The following PCDH9 variants were observed in gnomAD, a reference collection of about 807,000 sequenced individuals.
PCDH9 encodes protocadherin-9.
Under a neutral mutation model 70.6 loss-of-function variants are expected in PCDH9, and 24 were observed. That is an observed-to-expected ratio of 0.34 (90% CI 0.25 to 0.48). PCDH9 has a LOEUF of 0.48. PCDH9 is among the 20% of genes least tolerant of loss of function. The pLI, the probability that PCDH9 is intolerant of heterozygous loss-of-function variation, is 0.99. For synonymous variants in PCDH9, 562 were observed against 558.5 expected (o/e 1.01, Z -0.09); for missense variants, 1,281 against 1,503.6 (o/e 0.85, Z 2.45).
At chr13:66,542,688 G>GGTCAAATATATATATA (rs1566404142) in intron 4 of PCDH9, among the ~76,000 whole-genome samples, 3 of 76,666 alleles carry the variant, frequency 3.9e-5, no homozygotes, top group Non-Finnish European at 3.4e-5. Context: ...ATATATATAT[G>GGTCAAATATATATATA]TTTAAATATA....
At chr13:66,788,306 C>T (rs1008075332) in intron 3 of PCDH9, among the ~76,000 whole-genome samples, 1 of 152,032 alleles carries the variant, frequency 6.6e-6, no homozygotes, top group Non-Finnish European at 1.5e-5. Context: ...CAAAAGGCCT[C>T]GCCTCCCAAC....
chr13:66,412,948 C>T (rs954645119), intron 4 of PCDH9, among the ~76,000 whole-genome samples: 7 of 152,142 alleles, frequency 4.6e-5, no homozygotes, highest in Admixed American at 6.5e-5. Context: ...CATTATTTGC[C>T]GCTCCTATAT....
intron 2 of PCDH9, among the ~76,000 whole-genome samples, chr13:67,200,383 G>A (rs971589649): frequency 6.6e-6 from 1 of 151,918 alleles, no homozygotes; most frequent in Non-Finnish European, 1.5e-5. Context: ...TGTCCCAGCA[G>A]GTTTAATAAG....
intron 3 of PCDH9, among the ~76,000 whole-genome samples, chr13:66,784,546 G>A (rs1479034086): frequency 1.3e-5 from 2 of 152,130 alleles, no homozygotes; most frequent in Admixed American, 6.6e-5. Flanking sequence ...TGTCTTAAGT[G>A]AGTCTTATTT....
At chr13:66,406,102 A>G (rs1051749159) in intron 4 of PCDH9, among the ~76,000 whole-genome samples, 2 of 152,148 alleles carry the variant, frequency 1.3e-5, no homozygotes, top group African/African-American at 4.8e-5. Context: ...GGATAGTAAA[A>G]GGTACAATTT....
intron 3 of PCDH9, among the ~76,000 whole-genome samples, chr13:66,888,538 G>A (rs1041266381): frequency 6.7e-6 from 1 of 148,952 alleles, no homozygotes; most frequent in Non-Finnish European, 1.5e-5. Context: ...ATATCAGCCT[G>A]TCCCCAAAAA....
At chr13:66,561,442 T>C (rs919251537) in intron 4 of PCDH9, among the ~76,000 whole-genome samples, 2 of 152,196 alleles carry the variant, frequency 1.3e-5, no homozygotes, top group Admixed American at 6.5e-5. Context: ...CAGCTCCACC[T>C]GTGGCCCTGG....
intron 4 of PCDH9, among the ~76,000 whole-genome samples, chr13:66,430,139 A>G (rs1380137525): frequency 6.6e-6 from 1 of 152,228 alleles, no homozygotes; most frequent in Admixed American, 6.6e-5. Flanking sequence ...TACTACAAAC[A>G]TTCAGAGCAA....
intron 2 of PCDH9, among the ~76,000 whole-genome samples, chr13:67,154,595 A>AAAAATATATATATATATATAT (rs1555313195): frequency 1.1e-5 from 1 of 88,988 alleles, no homozygotes; most frequent in African/African-American, 4.5e-5. Flanking sequence ...AAAAAAAAAA[A>AAAAATATATATATATATATAT]ATATATATAT....
At chr13:67,078,960 G>A (rs1207667715) in intron 2 of PCDH9, among the ~76,000 whole-genome samples, 1 of 152,036 alleles carries the variant, frequency 6.6e-6, no homozygotes, top group East Asian at 1.9e-4. Flanking sequence ...CAGAAACTAA[G>A]AAAATGGCAG....
chr13:66,788,250 A>T (rs927723687), intron 3 of PCDH9, among the ~76,000 whole-genome samples: 1 of 152,256 alleles, frequency 6.6e-6, no homozygotes, highest in South Asian at 2.1e-4. Context: ...TTATAATGGC[A>T]TTAACCCATT....
At chr13:66,735,593 G>A (rs1234648201) in intron 3 of PCDH9, among the ~76,000 whole-genome samples, 1 of 152,174 alleles carries the variant, frequency 6.6e-6, no homozygotes, top group Non-Finnish European at 1.5e-5. Flanking sequence ...CAAAATTAGA[G>A]TCAGAATTTC....
chr13:66,307,488 TTG>T (rs750751238), intron 4 of PCDH9, among the ~76,000 whole-genome samples: 2 of 152,110 alleles, frequency 1.3e-5, no homozygotes, highest in Non-Finnish European at 2.9e-5. Flanking sequence ...TAGCAATACT[TTG>T]TGACAGCTTA....
intron 4 of PCDH9, among the ~76,000 whole-genome samples, chr13:66,456,646 TG>T (rs1285847329): frequency 2.0e-5 from 3 of 152,178 alleles, no homozygotes; most frequent in Admixed American, 6.6e-5. Flanking sequence ...ATGATAAGAC[TG>T]TAGCATTCCA....
intron 2 of PCDH9, chr13:67,207,161 T>C (rs1158480555): frequency 1.3e-5 from 2 of 150,368 alleles, no homozygotes; most frequent in East Asian, 3.9e-4. Flanking sequence ...AAAAAAAAGG[T>C]TAAATTAGAC....
intron 4 of PCDH9, among the ~76,000 whole-genome samples, chr13:66,352,393 C>G (rs1181736348): frequency 6.6e-6 from 1 of 152,112 alleles, no homozygotes; most frequent in African/African-American, 2.4e-5. Context: ...ATGCCACCAA[C>G]TGAGTGGCTT....
At chr13:66,636,242 TTTAA>T (rs1447354036) in intron 3 of PCDH9, among the ~76,000 whole-genome samples, 1 of 152,164 alleles carries the variant, frequency 6.6e-6, no homozygotes, top group Non-Finnish European at 1.5e-5. Flanking sequence ...TATCCCAATT[TTTAA>T]TTGTTTATCT....
intron 2 of PCDH9, among the ~76,000 whole-genome samples, chr13:67,058,553 C>T (rs1040091827): frequency 2.6e-5 from 4 of 152,140 alleles, no homozygotes; most frequent in Non-Finnish European, 4.4e-5. Flanking sequence ...CTTATAACTA[C>T]ACATACTTTT....
At chr13:66,613,344 C>A (rs965814790) in intron 4 of PCDH9, among the ~76,000 whole-genome samples, 1 of 152,082 alleles carries the variant, frequency 6.6e-6, no homozygotes, top group South Asian at 2.1e-4. Context: ...AGGTTCTTCC[C>A]CAGGCATTTT....
Sources: allele counts gnomAD v4.1 joint callset (sites outside exome capture counted in the v4.1 genomes callset), GRCh38; gene constraint gnomAD v4.1.1; transcripts MANE v1.5; gene names NCBI Gene and HGNC (gene_info 2026-07-23, HGNC 2026-07-21).